Variants in SNTG2 observed in about 807,000 individuals in gnomAD.
SNTG2 encodes gamma-2-syntrophin.
In SNTG2, 74 loss-of-function variants were observed where a neutral mutation model predicts 70.9. The ratio of observed to expected loss-of-function variants is 1.04; its 90% CI spans 0.86 to 1.27. The LOEUF (loss-of-function observed/expected upper bound fraction) is 1.27. Among genes scored for constraint, SNTG2 ranks in the 50% most tolerant of loss-of-function variants. The probability of loss-of-function intolerance (pLI) is 0.00; values close to 1 mark genes in which losing one functional copy is unlikely to be tolerated. For missense variants in SNTG2, 717 were observed against 690.7 expected (o/e 1.04, Z -0.43); for synonymous variants, 278 against 273.8 (o/e 1.02, Z -0.15).
At chr2:1,176,627 A>G (rs552536042) in intron 8 of SNTG2, among the ~76,000 whole-genome samples, 1 of 149,524 alleles carries the variant, frequency 6.7e-6, no homozygotes, top group East Asian at 2.0e-4. Context: ...CAGAATCTAC[A>G]AGGAACTAAA....
At chr2:1,100,742 GTTA>G (rs1410888090) in intron 4 of SNTG2, among the ~76,000 whole-genome samples, 2 of 152,078 alleles carry the variant, frequency 1.3e-5, no homozygotes, top group African/African-American at 4.8e-5. Context: ...AACATTTTCA[GTTA>G]TTTTCATTAA....
intron 1 of SNTG2, among the ~76,000 whole-genome samples, chr2:1,074,335 C>T (rs1387842223): frequency 1.3e-5 from 2 of 152,274 alleles, no homozygotes; most frequent in East Asian, 3.9e-4. Context: ...CCCTGACATT[C>T]TTTTTGATCT....
intron 9 of SNTG2, among the ~76,000 whole-genome samples, chr2:1,235,302 AG>A: frequency 1.9e-5 from 1 of 51,470 alleles, no homozygotes; most frequent in Non-Finnish European, 3.9e-5. Flanking sequence ...TATTCATGAG[AG>A]GGGGGCCCCT....
Position 972,040 on chromosome 2 carries a change from G to T in SNTG2, c.72+20972G>T, listed in dbSNP as rs930255413. ...TTGATATTCTTTTTTAATTTGCTGA[G>T]AATTGTTTTATGGTCTATTGTGTGG... is the stretch of plus-strand genomic sequence containing the variant. On this transcript the variant is annotated intron_variant, in intron 1 of 16. Transcript: ENST00000308624. Among the ~76,000 whole-genome samples, 5 of 152,104 alleles carry T rather than the reference G, an allele frequency of 3.3e-5. No homozygotes were observed. The East Asian group carries it at 5.8e-4, about 18-fold the overall frequency.
intron 8 of SNTG2, among the ~76,000 whole-genome samples, chr2:1,178,470 A>G (rs998437827): frequency 1.3e-5 from 2 of 152,160 alleles, no homozygotes; most frequent in Non-Finnish European, 2.9e-5. Flanking sequence ...ATTTTGAGAT[A>G]TGTCCCATCA....
At chr2:961,096 C>T (rs1479581129) in intron 1 of SNTG2, among the ~76,000 whole-genome samples, 1 of 152,192 alleles carries the variant, frequency 6.6e-6, no homozygotes, top group Admixed American at 6.5e-5. Context: ...CTGATATTGC[C>T]AGAGTTTCTA....
At chr2:987,170 G>A (rs55797084) in intron 1 of SNTG2, among the ~76,000 whole-genome samples, 9,335 of 152,280 alleles carry the variant, frequency 0.061, 403 homozygotes, top group Non-Finnish European at 0.09. Context: ...GTCAGGTCCC[G>A]GAAACGCTGT....
chr2:1,102,174 G>A (rs1274528640), intron 4 of SNTG2, among the ~76,000 whole-genome samples: 2 of 152,192 alleles, frequency 1.3e-5, no homozygotes, highest in African/African-American at 2.4e-5. Flanking sequence ...GAGCGAAACC[G>A]TGGTACAGAG....
chr2:1,084,202 A>C (rs34179894), intron 2 of SNTG2, among the ~76,000 whole-genome samples: 3 of 151,918 alleles, frequency 2.0e-5, no homozygotes, highest in African/African-American at 7.3e-5. Context: ...CCCTGTGTCT[A>C]TTTGGTTTTC....
intron 6 of SNTG2, among the ~76,000 whole-genome samples, chr2:1,153,124 C>CAAA (rs60254441): frequency 1.4e-3 from 191 of 134,256 alleles, no homozygotes; most frequent in African/African-American, 4.8e-3. Flanking sequence ...AACTCCATCT[C>CAAA]AAAAAAAAAA....
In SNTG2 at chr2:1,284,951, A is replaced by C. The variant is rs140078147; in HGVS notation, c.1284+17380A>C. Reference sequence around the variant, plus strand: ...TCATATTAGTTTTACAACTCTATATAAATATAAATATAACTATATAAATAT... The same window carrying C: ...TCATATTAGTTTTACAACTCTATATCAATATAAATATAACTATATAAATAT... On this transcript the variant is annotated intron_variant, in intron 14 of 16. Transcript: ENST00000308624. Among the ~76,000 whole-genome samples the C allele has an allele frequency of 2.1e-3, 310 of 151,190 alleles. 5 individuals are homozygous for C. In the East Asian group the frequency reaches 0.051, roughly 25 times the overall value.
intron 6 of SNTG2, chr2:1,163,701 G>C (rs1670499779): frequency 6.6e-6 from 1 of 152,322 alleles, no homozygotes; most frequent in Non-Finnish European, 1.5e-5. Context: ...TTTCCAGTCT[G>C]GAGTTTTTAG....
chr2:1,004,762 C>G (rs1447498407), intron 1 of SNTG2, among the ~76,000 whole-genome samples: 1 of 152,224 alleles, frequency 6.6e-6, no homozygotes, highest in East Asian at 1.9e-4. Flanking sequence ...TGGTTTCTTA[C>G]TTTGCTAAAC....
At chr2:1,219,465 T>C (rs1674609670) in intron 9 of SNTG2, among the ~76,000 whole-genome samples, 1 of 152,282 alleles carries the variant, frequency 6.6e-6, no homozygotes, top group Admixed American at 6.5e-5. Context: ...AGATGAGCAA[T>C]TAAACAGCTC....
intron 6 of SNTG2, among the ~76,000 whole-genome samples, chr2:1,144,971 T>A (rs1366714894): frequency 6.6e-6 from 1 of 152,192 alleles, no homozygotes; most frequent in African/African-American, 2.4e-5. Context: ...CGCTTCTAAA[T>A]AACACACTGG....
chr2:994,863 A>G (rs935870938), intron 1 of SNTG2, among the ~76,000 whole-genome samples: 1 of 151,118 alleles, frequency 6.6e-6, no homozygotes, highest in African/African-American at 2.4e-5. Flanking sequence ...AGTTTTTAGA[A>G]TGTTAATTGC....
At position 1,220,165 on chromosome 2, in the gene SNTG2, A is replaced by T. The variant is rs1467036958; in HGVS notation, c.719+10935A>T. Reference sequence around the variant, plus strand: ...CAGGGCACTCCTTACCCGGGCTTCCAGGGAGACAGTGTCCTGGCAGCTGTG... The same window carrying T: ...CAGGGCACTCCTTACCCGGGCTTCCTGGGAGACAGTGTCCTGGCAGCTGTG... On this transcript the variant is annotated intron_variant, in intron 9 of 16. Coordinates refer to ENST00000308624, the MANE Select transcript of SNTG2 (RefSeq NM_018968.4). 5.2e-4 allele frequency: 79 copies of T among 152,480 alleles called. 1 individual carries two copies. Among genetic ancestry groups the T allele is most frequent in the Admixed American group, 5.0e-3 (76 of 15,306 alleles). The allele number at this position is 152,480 out of a possible 1,614,324, so 9.4% of individuals were successfully genotyped here.
chr2:1,318,382 T>G (rs990092844), intron 16 of SNTG2, among the ~76,000 whole-genome samples: 1 of 152,270 alleles, frequency 6.6e-6, no homozygotes, highest in African/African-American at 2.4e-5. Context: ...TCTTCATTGA[T>G]CTCAATGAAA....
At chr2:1,006,701 G>A (rs890092809) in intron 1 of SNTG2, among the ~76,000 whole-genome samples, 7 of 152,092 alleles carry the variant, frequency 4.6e-5, no homozygotes, top group African/African-American at 1.4e-4. Context: ...TTTACATTGT[G>A]GTAGATAGAA....
Sources: allele counts gnomAD v4.1 joint callset (sites outside exome capture counted in the v4.1 genomes callset), GRCh38; gene constraint gnomAD v4.1.1; transcripts MANE v1.5; gene names NCBI Gene and HGNC (gene_info 2026-07-23, HGNC 2026-07-21).